The following ACLY variants were observed in gnomAD, a reference collection of about 807,000 sequenced individuals.
The protein encoded by ACLY is ATP citrate lyase, also known as ATP-citrate synthase.
Under a neutral mutation model 133.0 loss-of-function variants are expected in ACLY, and 41 were observed. The ratio of observed to expected loss-of-function variants is 0.31; its 90% CI spans 0.24 to 0.40. ACLY has a LOEUF of 0.40. Among genes scored for constraint, ACLY ranks in the 10% least tolerant of loss-of-function variants. The probability of loss-of-function intolerance (pLI) is 1.00; values close to 1 mark genes in which losing one functional copy is unlikely to be tolerated. For missense variants in ACLY, 1,046 were observed against 1,453.8 expected (o/e 0.72, Z 4.56); for synonymous variants, 495 against 549.3 (o/e 0.90, Z 1.38).
At chr17:41,925,633 T>A (rs1374150126) in intron 1 of ACLY, among the ~76,000 whole-genome samples, 1 of 151,612 alleles carries the variant, frequency 6.6e-6, no homozygotes, top group Non-Finnish European at 1.5e-5. Context: ...ATAAAAGTAA[T>A]CTTCTGACTG....
chr17:41,906,452 C>A, intron 8 of ACLY, 76 bp downstream of exon 8: 2 of 1,321,992 alleles, frequency 1.5e-6, no homozygotes, highest in East Asian at 4.6e-5. Flanking sequence ...TGACAGGACC[C>A]CACCCACCCA....
In ACLY at chr17:41,910,245, C is replaced by T. The variant is rs1048505068; in HGVS notation, c.322G>A (p.Glu108Lys). 2.2e-5 allele frequency: 36 copies of T among 1,613,636 alleles called. No homozygotes were observed. Among genetic ancestry groups the T allele is most frequent in the Non-Finnish European group, 3.0e-5 (35 of 1,179,910 alleles). ...ATGFLKNFLI[E>K]PFVPHSQAEE... ...ACCTGACTGTGGGGGACGAAGGGCTCGATCAGAAAGTTCTTGAGGAAGCCT... is the reference window on the plus strand; with the variant it reads ...ACCTGACTGTGGGGGACGAAGGGCTTGATCAGAAAGTTCTTGAGGAAGCCT... Residue 108 changes from glutamate (E) to lysine (K), a missense_variant, in exon 4 of 29, where the codon GAG (glutamate) becomes AAG (lysine). Physicochemically the swap from Glu to Lys is moderately conservative, Grantham distance 56. Around this residue, in one of 4 missense-constraint regions of ACLY, gnomAD observed 227 missense variants for 245.6 expected, o/e 0.92. Coordinates refer to ENST00000352035, the MANE Select transcript of ACLY (RefSeq NM_001096.3).
At chr17:41,875,867 G>A (rs2048732295) in intron 22 of ACLY, among the ~76,000 whole-genome samples, 2 of 151,628 alleles carry the variant, frequency 1.3e-5, no homozygotes, top group South Asian at 2.1e-4. Context: ...CCGCCACCCC[G>A]TCTGGGAAGT....
At chr17:41,867,981 C>A in intron 28 of ACLY, 77 bp from the exon 29 acceptor site, 1 of 1,025,588 alleles carries the variant, frequency 9.8e-7, no homozygotes, top group South Asian at 1.5e-5. Context: ...GAAGGGAAAT[C>A]TTTCTAACAC....
chr17:41,908,089 C>T lies in ACLY; in HGVS notation c.617-517G>A, dbSNP rs150331941. Among the ~76,000 whole-genome samples, 430 of 152,276 alleles carry T rather than the reference C, an allele frequency of 2.8e-3. No individual in the cohort carries two copies. The Middle Eastern group carries it at 0.044, about 16-fold the overall frequency. ...TACCACCTCACTGGACACCCATCTT[C>T]CTCCTCCCCCAGGGCCATTTAGCTG... On this transcript the variant is annotated intron_variant, in intron 6 of 28. Transcript: ENST00000352035.
intron 1 of ACLY, 154 bp from the exon 2 acceptor site, chr17:41,914,050 G>T (rs1318190080): frequency 2.9e-6 from 2 of 699,636 alleles, no homozygotes; most frequent in South Asian, 1.9e-5. Flanking sequence ...CCAGCGGGAG[G>T]GATGGAAGAG....
rs2049648888 is a variant in ACLY at position 41,904,415 on chromosome 17, AAAGG to A, written c.1065+310_1065+313del. ...AGGAAGAGAAGGGAAGGAAAGAAAG[AAAGG>A]ATCGATTGAGCCAGTGCTCCAAAGC... On this transcript the variant is annotated intron_variant, in intron 10 of 28. Coordinates refer to ENST00000352035, the MANE Select transcript of ACLY (RefSeq NM_001096.3). The A allele has an allele frequency of 2.0e-5, 6 of 294,188 alleles. 1 individual carries two copies. In the South Asian group the frequency reaches 3.4e-4, roughly 17 times the overall value. 18.2% of individuals were successfully genotyped at this position (294,188 alleles called of 1,614,324 possible). A position where few individuals can be genotyped will look rare whatever the true frequency, so the allele number is the denominator to read the frequency against.
rs782775464 is a variant in ACLY at position 41,912,477 on chromosome 17, G to A, written c.225C>T (p.Asn75=). The A allele has an allele frequency of 3.1e-6, 5 of 1,614,124 alleles. No individual in the cohort carries two copies. In the African/African-American group the frequency reaches 5.3e-5, roughly 17 times the overall value. The change falls in exon 3 of 29, where the codon AAC becomes AAT. Residue 75 remains asparagine (N), a synonymous_variant. Transcript: ENST00000352035. ...RRGKLGLVGV[N]LTLDGVKSWL... ...AGGACTTGACCCCATCCAGAGTGAG[G>A]TTGACCCCAACGAGACCAAGTTTTC...
At chr17:41,895,436 T>C (rs1196720247) in intron 14 of ACLY, among the ~76,000 whole-genome samples, 8 of 152,134 alleles carry the variant, frequency 5.3e-5, no homozygotes, top group African/African-American at 1.9e-4. Context: ...CTGAAGGGTG[T>C]ATCCTCAGCC....
intron 14 of ACLY, among the ~76,000 whole-genome samples, chr17:41,894,547 C>T (rs1049622675): frequency 6.6e-6 from 1 of 150,730 alleles, no homozygotes; most frequent in Non-Finnish European, 1.5e-5. Flanking sequence ...CATAGTGAGA[C>T]CCCACCTCAA....
intron 11 of ACLY, among the ~76,000 whole-genome samples, chr17:41,899,423 G>C (rs1555631120): frequency 3.3e-5 from 5 of 152,086 alleles, no homozygotes; most frequent in Non-Finnish European, 1.5e-5. Flanking sequence ...ACCAGTGCTT[G>C]GTCTCTGTTC....
chr17:41,869,669 G>C (rs1219550468), intron 25 of ACLY, 82 bp from the exon 26 acceptor site: 1 of 1,199,084 alleles, frequency 8.3e-7, no homozygotes, highest in African/African-American at 1.5e-5. Flanking sequence ...CAGGTAGGTA[G>C]AACTGGACAT....
chr17:41,876,856 T>C (rs2048772688), intron 22 of ACLY, among the ~76,000 whole-genome samples: 1 of 151,458 alleles, frequency 6.6e-6, no homozygotes, highest in Non-Finnish European at 1.5e-5. Context: ...ACTATTGTCC[T>C]ATGACCCTGC....
In ACLY at chr17:41,908,980, C is replaced by T. The variant is rs782808063; in HGVS notation, c.616+9G>A. The stretch of plus-strand genomic sequence containing the variant: ...CCTTGCCCCCTCCCAGCCAAGCACA[C>T]CCAGTTACCAAGGGGATTGATCTCG... On this transcript the variant is annotated intron_variant, in intron 6 of 28. Transcript: ENST00000352035. The T allele has an allele frequency of 3.7e-6, 6 of 1,610,802 alleles. No individual in the cohort carries two copies. Among genetic ancestry groups the T allele is most frequent in the Admixed American group, 1.7e-5 (1 of 59,940 alleles).
At chr17:41,906,271 C>T (rs953135831) in intron 8 of ACLY, among the ~76,000 whole-genome samples, 3 of 152,148 alleles carry the variant, frequency 2.0e-5, no homozygotes, top group South Asian at 2.1e-4. Context: ...ATTTTCTGTA[C>T]CTTTGTATGG....
chr17:41,917,531 C>G (rs2050082025), intron 1 of ACLY, among the ~76,000 whole-genome samples: 1 of 152,124 alleles, frequency 6.6e-6, no homozygotes, highest in African/African-American at 2.4e-5. Flanking sequence ...CCCCAGAACA[C>G]GCCCCTGGGA....
At chr17:41,870,270 G>C (rs2048564783) in intron 25 of ACLY, 1 of 152,266 alleles carries the variant, frequency 6.6e-6, no homozygotes, top group Admixed American at 6.5e-5. Context: ...GCTGTACATA[G>C]GCATGTTGTT....
chr17:41,888,308 C>T (rs1555628638), intron 16 of ACLY, among the ~76,000 whole-genome samples: 1 of 152,120 alleles, frequency 6.6e-6, no homozygotes, highest in Non-Finnish European at 1.5e-5. Flanking sequence ...TTTCGGAAGC[C>T]CTGCTACAGT....
upstream of ACLY, chr17:41,918,985 C>T (rs924947607): frequency 2.3e-5 from 30 of 1,287,166 alleles, no homozygotes; most frequent in Admixed American, 9.3e-5. Context: ...GCTTTTGTCC[C>T]GGCCCAGCCG....
Sources: allele counts gnomAD v4.1 joint callset (sites outside exome capture counted in the v4.1 genomes callset), GRCh38; gene constraint gnomAD v4.1.1; regional missense constraint gnomAD v4.1.1; transcripts MANE v1.5; gene names NCBI Gene and HGNC (gene_info 2026-07-23, HGNC 2026-07-21).